Variants in DMD observed in about 807,000 individuals in gnomAD.
DMD encodes mutant dystrophin.
Under a neutral mutation model 330.1 loss-of-function variants are expected in DMD, and 63 were observed. The observed-to-expected ratio is 0.19, with a 90% CI of 0.16 to 0.24. The LOEUF (loss-of-function observed/expected upper bound fraction) is 0.24, where lower values mean the gene tolerates loss of function less well. Ranked by LOEUF, DMD falls within the 10% of genes least tolerant of loss-of-function variation. The probability of loss-of-function intolerance (pLI) is 1.00; values close to 1 mark genes in which losing one functional copy is unlikely to be tolerated. For synonymous variants in DMD, 1,223 were observed against 959.8 expected (o/e 1.27, Z -5.07); for missense variants, 3,344 against 2,684.1 (o/e 1.25, Z -5.43).
At chrX:32,765,310 C>T (rs144935194) in intron 7 of DMD, among the ~76,000 whole-genome samples, 1,156 of 110,163 alleles carry the variant, frequency 0.01, 58 homozygotes, top group Admixed American at 0.1. Context: ...GTACTATTCT[C>T]GTGATAGAGA....
chrX:32,757,501 C>T (rs2071651577), intron 7 of DMD, among the ~76,000 whole-genome samples: 1 of 111,331 alleles, frequency 9.0e-6, no homozygotes, highest in Non-Finnish European at 1.9e-5. Context: ...TAATTCCCAC[C>T]ATGTCATGGG....
At chrX:31,812,025 G>C (rs1449429542) in intron 50 of DMD, among the ~76,000 whole-genome samples, 1 of 107,607 alleles carries the variant, frequency 9.3e-6, no homozygotes, top group Non-Finnish European at 1.9e-5. Context: ...GTAGGGTATT[G>C]TCACAATAAA....
intron 17 of DMD, among the ~76,000 whole-genome samples, chrX:32,529,043 T>A (rs1202258961): frequency 9.4e-6 from 1 of 106,322 alleles, no homozygotes; most frequent in Non-Finnish European, 1.9e-5. Flanking sequence ...TGCCTCAGCC[T>A]CCCGAGTAGC....
chrX:33,289,010 T>C (rs949269818), intron 1 of DMD, among the ~76,000 whole-genome samples: 8 of 111,514 alleles, frequency 7.2e-5, no homozygotes, highest in Non-Finnish European at 1.9e-5. Flanking sequence ...TCCAAGTTTA[T>C]AGACAAGGTC....
intron 55 of DMD, among the ~76,000 whole-genome samples, chrX:31,598,794 A>G (rs1305235416): frequency 8.9e-6 from 1 of 111,980 alleles, no homozygotes; most frequent in Non-Finnish European, 1.9e-5. Flanking sequence ...AACTCTTACC[A>G]TTGGGGGAAA....
chrX:32,732,251 A>T lies in DMD; in HGVS notation c.650-32958T>A, dbSNP rs1179797512. 1.7e-4 allele frequency among the ~76,000 whole-genome samples: 19 copies of T among 111,130 alleles called. No individual in the cohort carries two copies. The Admixed American group carries it at 1.8e-3, about 11-fold the overall frequency. ...GAAATGAGCAAAGCCTCCAAGAAAT[A>T]TGGGACTATGTGAAAAGACCAAATC... On this transcript the variant is annotated intron_variant, in intron 7 of 78. Transcript: ENST00000357033.
chrX:32,549,060 T>C (rs192654268), intron 16 of DMD, among the ~76,000 whole-genome samples: 1 of 112,047 alleles, frequency 8.9e-6, no homozygotes, highest in East Asian at 2.8e-4. Context: ...CTTTTTAAAA[T>C]ACTATTCATT....
chrX:31,591,048 G>A (rs1420330771), intron 55 of DMD, among the ~76,000 whole-genome samples: 1 of 111,506 alleles, frequency 9.0e-6, no homozygotes, highest in African/African-American at 3.2e-5. Flanking sequence ...ACTGAGTTGC[G>A]CTGTAAGAGT....
chrX:32,170,280 G>A (rs959836419), intron 44 of DMD, among the ~76,000 whole-genome samples: 8 of 109,633 alleles, frequency 7.3e-5, no homozygotes, highest in Non-Finnish European at 1.5e-4. Context: ...AGACCAGCCT[G>A]ACCAACATGG....
At position 31,671,301 on chromosome X, in the gene DMD, T is replaced by C. The variant is rs1045924645; in HGVS notation, c.7872+8074A>G. Among the ~76,000 whole-genome samples, 60 of 112,568 alleles carry C rather than the reference T, an allele frequency of 5.3e-4. 1 individual carries two copies. Among genetic ancestry groups the C allele is most frequent in the Non-Finnish European group, 1.5e-4 (8 of 53,341 alleles). ...TTGTCACATGAATTTTCTATATTTA[T>C]TGTGATGACCATACGATTTTTGTCC... On this transcript the variant is annotated intron_variant, in intron 53 of 78. Coordinates refer to ENST00000357033, the MANE Select transcript of DMD (RefSeq NM_004006.3).
intron 21 of DMD, among the ~76,000 whole-genome samples, chrX:32,480,398 G>GTA (rs2041730231): frequency 9.3e-6 from 1 of 107,809 alleles, no homozygotes. Context: ...GTGTGTGTGT[G>GTA]TGTATATGTC....
intron 1 of DMD, among the ~76,000 whole-genome samples, chrX:33,210,531 GC>G (rs1484274670): frequency 9.0e-6 from 1 of 110,969 alleles, no homozygotes; most frequent in Non-Finnish European, 1.9e-5. Flanking sequence ...TGAAAAGCTG[GC>G]TCATAATAGA....
At chrX:32,702,627 AT>A (rs1364408887) in intron 7 of DMD, among the ~76,000 whole-genome samples, 1 of 111,602 alleles carries the variant, frequency 9.0e-6, no homozygotes, top group African/African-American at 3.3e-5. Flanking sequence ...ATTAAAGTAA[AT>A]TCTTTAAGTA....
intron 43 of DMD, among the ~76,000 whole-genome samples, chrX:32,231,179 C>T (rs191509279): frequency 3.1e-4 from 35 of 112,244 alleles, no homozygotes; most frequent in Admixed American, 2.6e-3. Context: ...AGGAACAGTA[C>T]ACTTAACACA....
intron 2 of DMD, among the ~76,000 whole-genome samples, chrX:32,903,581 A>G (rs932799642): frequency 9.0e-6 from 1 of 111,533 alleles, no homozygotes; most frequent in Non-Finnish European, 1.9e-5. Context: ...GATTTAATTT[A>G]TCTTGGGTGG....
chrX:32,100,595 A>AT (rs1365723945), intron 44 of DMD, among the ~76,000 whole-genome samples: 3 of 110,938 alleles, frequency 2.7e-5, no homozygotes, highest in African/African-American at 9.8e-5. Context: ...AGCATGGTAT[A>AT]TATCTCTTGC....
chrX:33,101,731 C>T (rs960814305), intron 1 of DMD, among the ~76,000 whole-genome samples: 1 of 112,300 alleles, frequency 8.9e-6, no homozygotes, highest in Admixed American at 9.4e-5. Flanking sequence ...ATGCGTAGTG[C>T]CTGATAGTGC....
chrX:31,552,509 A>G (rs748287381), intron 55 of DMD, among the ~76,000 whole-genome samples: 1 of 111,439 alleles, frequency 9.0e-6, no homozygotes, highest in Admixed American at 9.5e-5. Context: ...GAGAAATGGG[A>G]GGCAGCACGA....
chrX:31,976,583 G>A (rs1194578310), intron 44 of DMD, among the ~76,000 whole-genome samples: 2 of 110,803 alleles, frequency 1.8e-5, no homozygotes, highest in African/African-American at 3.3e-5. Context: ...GCATAATGTA[G>A]AAAATTGAGA....
Sources: gnomAD v4.1 joint callset for allele counts (sites outside exome capture counted in the v4.1 genomes callset) on GRCh38, gnomAD v4.1.1 for gene constraint, MANE v1.5 for transcripts, NCBI Gene and HGNC (gene_info 2026-07-23, HGNC 2026-07-21) for gene names.